The following CD53 variants were observed in gnomAD, a reference collection of about 807,000 sequenced individuals.
CD53 encodes leukocyte surface antigen CD53.
In CD53, 20 loss-of-function variants were observed where a neutral mutation model predicts 27.3. The observed-to-expected ratio is 0.73, with a 90% confidence interval of 0.52 to 1.07. The LOEUF (loss-of-function observed/expected upper bound fraction) is 1.07. Among genes scored for constraint, CD53 ranks in the 50% least tolerant of loss-of-function variants. The pLI, the probability that CD53 is intolerant of heterozygous loss-of-function variation, is 0.00. For missense variants in CD53, 216 were observed against 264.0 expected (o/e 0.82, Z 1.26); for synonymous variants, 106 against 105.3 (o/e 1.01, Z -0.04).
rs2101064879 is a variant in CD53, at chr1:110,895,024, C to T, written c.392C>T (p.Thr131Ile). ...CACCGTTACCACTCAGACAATAGCA[C>T]CAAGGCAGCGTGGGACTCCATCCAG... ...SIHRYHSDNSTKAAWDSIQSF... is the reference protein window; with the variant it reads ...SIHRYHSDNSIKAAWDSIQSF... The change falls in exon 5 of 8, where the codon ACC becomes ATC. Residue 131 changes from threonine (T) to isoleucine (I), a missense_variant. Coordinates refer to ENST00000271324, the MANE Select transcript of CD53 (RefSeq NM_000560.4). 2 of 1,613,922 alleles carry T rather than the reference C, an allele frequency of 1.2e-6. No individual in the cohort carries two copies. The highest frequency in any genetic ancestry group is 4.5e-5 in the East Asian group (2 of 44,876).
intron 2 of CD53, among the ~76,000 whole-genome samples, chr1:110,891,779 G>A (rs113502660): frequency 6.6e-6 from 1 of 152,298 alleles, no homozygotes; most frequent in African/African-American, 2.4e-5. Flanking sequence ...TGGATATTGA[G>A]TGCCTCTGTT....
chr1:110,893,146 T>C (rs1347715255), intron 3 of CD53, among the ~76,000 whole-genome samples: 1 of 152,214 alleles, frequency 6.6e-6, no homozygotes, highest in Non-Finnish European at 1.5e-5. Flanking sequence ...ACAGTGCCTG[T>C]AGAGCACTGA....
chr1:110,873,756 A>G (rs1656030652), intron 1 of CD53, among the ~76,000 whole-genome samples: 1 of 152,222 alleles, frequency 6.6e-6, no homozygotes, highest in African/African-American at 2.4e-5. Flanking sequence ...ACTAAATAGA[A>G]AGGTGGCTAA....
chr1:110,892,443 T>A lies in CD53; in HGVS notation c.162T>A (p.Asn54Lys). The A allele has an allele frequency of 1.2e-6, 2 of 1,613,840 alleles. No individual in the cohort carries two copies. Among genetic ancestry groups the A allele is most frequent in the Non-Finnish European group, 1.7e-6 (2 of 1,179,778 alleles). The change falls in exon 3 of 8, where the codon AAT becomes AAA. Residue 54 changes from asparagine to lysine, a missense_variant. Physicochemically the swap from Asn to Lys is moderately conservative, Grantham distance 94. Coordinates refer to ENST00000271324, the MANE Select transcript of CD53 (RefSeq NM_000560.4). ...FHNLPSLTLG[N>K]VFVIVGSIIM... The stretch of plus-strand genomic sequence containing the variant: ...ACCTCCCCTCCCTCACGCTGGGCAA[T>A]GTGTTTGTCATCGTGGGCTCTATTA...
intron 1 of CD53, among the ~76,000 whole-genome samples, chr1:110,878,028 C>T (rs899372563): frequency 2.0e-5 from 3 of 152,166 alleles, no homozygotes; most frequent in African/African-American, 7.2e-5. Flanking sequence ...AGAGCATGGG[C>T]TTTGGAGGCT....
chr1:110,887,709 G>C (rs1489813231), intron 1 of CD53, among the ~76,000 whole-genome samples: 1 of 152,164 alleles, frequency 6.6e-6, no homozygotes, highest in African/African-American at 2.4e-5. Context: ...TGTGAATCTT[G>C]GAGTTTTCCA....
intron 1 of CD53, among the ~76,000 whole-genome samples, chr1:110,879,079 A>G (rs1396040661): frequency 6.6e-6 from 1 of 152,146 alleles, no homozygotes; most frequent in Non-Finnish European, 1.5e-5. Flanking sequence ...TTTAAAACGT[A>G]TGAAACAAGC....
intron 1 of CD53, among the ~76,000 whole-genome samples, chr1:110,876,142 A>T (rs1373735486): frequency 2.0e-5 from 3 of 152,196 alleles, no homozygotes; most frequent in African/African-American, 7.2e-5. Context: ...AAGTATCTTA[A>T]CTCACAATGA....
chr1:110,875,738 C>T (rs1322995618), intron 1 of CD53, among the ~76,000 whole-genome samples: 1 of 152,132 alleles, frequency 6.6e-6, no homozygotes, highest in Non-Finnish European at 1.5e-5. Flanking sequence ...CTATGCAGAG[C>T]AGGACTCCAG....
rs774534219 is a variant in CD53 at position 110,892,304 on chromosome 1, C to G, written c.64-41C>G. The stretch of plus-strand genomic sequence containing the variant: ...GAGAATATGAGGAGATACCCAAGAA[C>G]CACATTTTGCTTCAGGATGTTGTGG... On this transcript the variant is annotated intron_variant, in intron 2 of 7. Transcript: ENST00000271324. 10 of 1,493,702 alleles carry G rather than the reference C, an allele frequency of 6.7e-6. No individual in the cohort carries two copies. The East Asian group carries it at 2.3e-4, about 34-fold the overall frequency. 92.5% of individuals were successfully genotyped at this position (1,493,702 alleles called of 1,614,324 possible).
chr1:110,877,263 G>C (rs1052117107), intron 1 of CD53, among the ~76,000 whole-genome samples: 1 of 152,148 alleles, frequency 6.6e-6, no homozygotes, highest in East Asian at 1.9e-4. Context: ...CTCATGATTA[G>C]ATTCAGGTTA....
intron 7 of CD53, among the ~76,000 whole-genome samples, chr1:110,898,570 G>A (rs527808336): frequency 4.5e-4 from 68 of 152,144 alleles, no homozygotes; most frequent in Middle Eastern, 3.4e-3. Context: ...TTAAGGGGCT[G>A]ATGACGAAAA....
intron 1 of CD53, among the ~76,000 whole-genome samples, chr1:110,890,175 A>C (rs1275474656): frequency 2.0e-5 from 3 of 152,140 alleles, no homozygotes; most frequent in Non-Finnish European, 4.4e-5. Context: ...ATTTTAATGG[A>C]AAAAAATCAC....
intron 1 of CD53, among the ~76,000 whole-genome samples, chr1:110,886,869 A>ATATATATTTTTTTT (rs1298376721): frequency 2.4e-5 from 2 of 82,798 alleles, no homozygotes; most frequent in Non-Finnish European, 4.5e-5. Context: ...ATATATATAT[A>ATATATATTTTTTTT]TTTTTTTTTT....
intron 1 of CD53, among the ~76,000 whole-genome samples, chr1:110,888,630 C>T (rs897842125): frequency 2.6e-5 from 4 of 151,854 alleles, no homozygotes; most frequent in East Asian, 1.9e-4. Flanking sequence ...TATATTTTTA[C>T]GTTAAGAAAA....
rs184991881 is a variant in CD53, at chr1:110,894,299, C to T, written c.253-28C>T. On this transcript the variant is annotated intron_variant, in intron 3 of 7. Transcript: ENST00000271324. The stretch of plus-strand genomic sequence containing the variant: ...AGTGGGACGAGAATGGGGATCAGTG[C>T]TGTGAGAATGTATCTGCTTTGTCCC... The T allele has an allele frequency of 8.4e-4, 1,354 of 1,602,588 alleles. 6 individuals are homozygous for T. In the African/African-American group the frequency reaches 0.012, roughly 15 times the overall value.
At chr1:110,884,757 C>G (rs1656501581) in intron 1 of CD53, among the ~76,000 whole-genome samples, 1 of 152,180 alleles carries the variant, frequency 6.6e-6, no homozygotes, top group Admixed American at 6.5e-5. Context: ...TATAGACACT[C>G]CAGCCTTTTT....
intron 2 of CD53, 62 bp from the exon 3 acceptor site, chr1:110,892,283 A>C: frequency 9.1e-7 from 1 of 1,102,232 alleles, no homozygotes; most frequent in Admixed American, 1.7e-5. Flanking sequence ...GGAAGTGAGA[A>C]TATGAGGAGA....
intron 6 of CD53, 94 bp from the exon 7 acceptor site, chr1:110,897,715 A>G (rs1657125905): frequency 4.1e-6 from 3 of 724,958 alleles, no homozygotes; most frequent in Non-Finnish European, 7.2e-6. Context: ...TGTATTACAT[A>G]AAGCAAAATG....
Sources: gnomAD v4.1 joint callset for allele counts (sites outside exome capture counted in the v4.1 genomes callset) on GRCh38, gnomAD v4.1.1 for gene constraint, MANE v1.5 for transcripts, NCBI Gene and HGNC (gene_info 2026-07-23, HGNC 2026-07-21) for gene names.